The following LPIN1 variants were observed in gnomAD, a reference collection of about 807,000 sequenced individuals.
LPIN1 encodes the protein lipin 1.
LPIN1 carries 71 observed loss-of-function variants against 107.5 expected under a neutral mutation model. The observed-to-expected ratio is 0.66, with a 90% confidence interval of 0.55 to 0.80. The LOEUF is 0.80. LPIN1 is among the 30% of genes least tolerant of loss of function. LPIN1 has a pLI of 0.00. For synonymous variants in LPIN1, 445 were observed against 452.6 expected (o/e 0.98, Z 0.21); for missense variants, 1,043 against 1,160.6 (o/e 0.90, Z 1.47).
chr2:11,709,698 A>C (rs55773509), intron 1 of LPIN1, among the ~76,000 whole-genome samples: 23,476 of 152,282 alleles, frequency 0.15, 1,999 homozygotes, highest in East Asian at 0.3. Context: ...CTTTTACAAA[A>C]ATCTACAAAT....
At chr2:11,713,339 C>T (rs920295656) in intron 1 of LPIN1, among the ~76,000 whole-genome samples, 8 of 152,210 alleles carry the variant, frequency 5.3e-5, no homozygotes, top group African/African-American at 9.7e-5. Context: ...GGCACTATCT[C>T]GGCTCACTGC....
At chr2:11,724,891 G>A (rs1344799622) in intron 1 of LPIN1, among the ~76,000 whole-genome samples, 1 of 152,202 alleles carries the variant, frequency 6.6e-6, no homozygotes, top group Non-Finnish European at 1.5e-5. Context: ...AGGAATTCTT[G>A]TAAGAATGAT....
chr2:11,692,526 T>G (rs1662325036), intron 1 of LPIN1, among the ~76,000 whole-genome samples: 1 of 152,252 alleles, frequency 6.6e-6, no homozygotes, highest in Non-Finnish European at 1.5e-5. Context: ...GTAACGCTAG[T>G]GAATTCTTCA....
upstream of LPIN1, among the ~76,000 whole-genome samples, chr2:11,745,631 G>A (rs1236749017): frequency 6.6e-6 from 1 of 152,218 alleles, no homozygotes; most frequent in Non-Finnish European, 1.5e-5. Flanking sequence ...GATTGCCTGA[G>A]GCCAGAAGGT....
At chr2:11,800,691 C>CA (rs1033035703) in intron 14 of LPIN1, among the ~76,000 whole-genome samples, 15 of 152,124 alleles carry the variant, frequency 9.9e-5, no homozygotes, top group Non-Finnish European at 1.9e-4. Flanking sequence ...TTAAGGGAGG[C>CA]AGGGGCGGGG....
At chr2:11,799,188 CTT>C (rs2148689854) in intron 14 of LPIN1, among the ~76,000 whole-genome samples, 1 of 152,242 alleles carries the variant, frequency 6.6e-6, no homozygotes, top group Non-Finnish European at 1.5e-5. Context: ...GCATTTTAGT[CTT>C]TGTATCTGTG....
At chr2:11,819,184 G>T (rs144403196) in intron 18 of LPIN1, 4 of 349,328 alleles carry the variant, frequency 1.1e-5, no homozygotes, top group Admixed American at 9.2e-5. Flanking sequence ...TAGCCTCATC[G>T]AATTAATTTG....
intron 1 of LPIN1, among the ~76,000 whole-genome samples, chr2:11,708,736 C>G (rs1663254656): frequency 6.6e-6 from 1 of 152,090 alleles, no homozygotes; most frequent in Non-Finnish European, 1.5e-5. Flanking sequence ...GGGGGAAAAA[C>G]TTGCCAAAGT....
chr2:11,691,945 T>C (rs2148507960), intron 1 of LPIN1, among the ~76,000 whole-genome samples: 1 of 152,354 alleles, frequency 6.6e-6, no homozygotes, highest in East Asian at 1.9e-4. Context: ...TGACCTACAA[T>C]GCGAGTGTGT....
chr2:11,687,319 T>G (rs1662059868), intron 1 of LPIN1, among the ~76,000 whole-genome samples: 1 of 152,232 alleles, frequency 6.6e-6, no homozygotes, highest in African/African-American at 2.4e-5. Context: ...GTTTTGTTTT[T>G]CATCATGCTT....
intron 1 of LPIN1, among the ~76,000 whole-genome samples, chr2:11,701,902 A>T (rs1007436271): frequency 1.3e-5 from 2 of 152,172 alleles, no homozygotes; most frequent in African/African-American, 4.8e-5. Flanking sequence ...GCTTGTGCTA[A>T]AACTCTTCCT....
At chr2:11,725,244 G>C (rs1471336124) in intron 1 of LPIN1, among the ~76,000 whole-genome samples, 1 of 152,058 alleles carries the variant, frequency 6.6e-6, no homozygotes, top group South Asian at 2.1e-4. Flanking sequence ...CTGGGGGACA[G>C]AGCGAGACTC....
intron 1 of LPIN1, among the ~76,000 whole-genome samples, chr2:11,677,912 C>T (rs1185890831): frequency 6.6e-6 from 1 of 152,272 alleles, no homozygotes; most frequent in Non-Finnish European, 1.5e-5. Flanking sequence ...TCACAGGCTC[C>T]TATTCAGAAG....
chr2:11,754,745 A>G (rs1668400583), intron 1 of LPIN1, among the ~76,000 whole-genome samples: 1 of 152,178 alleles, frequency 6.6e-6, no homozygotes, highest in Non-Finnish European at 1.5e-5. Flanking sequence ...AGTCAGAGCC[A>G]TTGTGTTAAT....
chr2:11,695,735 C>T (rs1662540693), intron 1 of LPIN1, among the ~76,000 whole-genome samples: 3 of 152,124 alleles, frequency 2.0e-5, no homozygotes. Flanking sequence ...AAGGATTTGG[C>T]TATCATCTCT....
Position 11,771,338 on chromosome 2 carries a change from G to C in LPIN1, c.289-34G>C, listed in dbSNP as rs369296779. 1 of 1,608,164 alleles carries C rather than the reference G, an allele frequency of 6.2e-7. No individual in the cohort carries two copies. The highest frequency in any genetic ancestry group is 8.5e-7 in the Non-Finnish European group (1 of 1,174,658). ...CCCTGCTTCTTATACCTGAATTAAC[G>C]AGGCTCTTTTTAGAAAATGTGTTCT... On this transcript the variant is annotated intron_variant, in intron 3 of 20. Transcript: ENST00000674199. This position sits in a 1 kb window ranked among gnomAD's most constrained non-coding sequence, Gnocchi z 4.8.
chr2:11,725,284 C>CAAAAACAAAAACAAA (rs369704064), intron 1 of LPIN1, among the ~76,000 whole-genome samples: 92 of 148,860 alleles, frequency 6.2e-4, no homozygotes, highest in African/African-American at 2.2e-3. Flanking sequence ...AAAACAAAAA[C>CAAAAACAAAAACAAA]AAACAAACAA....
chr2:11,696,215 G>A (rs6432234), intron 1 of LPIN1, among the ~76,000 whole-genome samples: 18,780 of 150,678 alleles, frequency 0.12, 3,511 homozygotes, highest in African/African-American at 0.41. Context: ...CCAGTGTGTG[G>A]TGTTCCCCTC....
In LPIN1 at chr2:11,788,435, C is replaced by A; in HGVS notation, c.1692C>A (p.Ala564=). The change falls in exon 12 of 21, where the codon GCC becomes GCA. Residue 564 remains alanine (A), a synonymous_variant. Transcript: ENST00000674199. The part of the protein sequence containing the change: ...TAAPLLLAMQ[A]FQKPLPKATV... The stretch of plus-strand genomic sequence containing the variant: ...CACCCCTCCTCCTGGCAATGCAGGC[C>A]TTCCAGAAACCTTTGCCAAAGGTGA... The A allele has an allele frequency of 6.2e-7, 1 of 1,613,884 alleles. No individual in the cohort carries two copies. The highest frequency in any genetic ancestry group is 8.5e-7 in the Non-Finnish European group (1 of 1,179,764).
Sources: allele counts gnomAD v4.1 joint callset (sites outside exome capture counted in the v4.1 genomes callset), GRCh38; gene constraint gnomAD v4.1.1; non-coding constraint Gnocchi (gnomAD v3.1); transcripts MANE v1.5; gene names NCBI Gene and HGNC (gene_info 2026-07-23, HGNC 2026-07-21).